KCNK2: variants seen among roughly 807,000 people sequenced by gnomAD.
KCNK2 encodes the protein potassium channel subfamily K member 2.
Under a neutral mutation model 40.5 loss-of-function variants are expected in KCNK2, and 21 were observed. That is an observed-to-expected ratio of 0.52 (90% CI 0.37 to 0.75). The LOEUF (loss-of-function observed/expected upper bound fraction) is 0.75. Among genes scored for constraint, KCNK2 ranks in the 30% least tolerant of loss-of-function variants. The pLI is 0.00. For synonymous variants in KCNK2, 191 were observed against 202.2 expected (o/e 0.94, Z 0.47); for missense variants, 399 against 531.6 (o/e 0.75, Z 2.45).
At chr1:215,170,206 G>A (rs1663644144) in intron 4 of KCNK2, among the ~76,000 whole-genome samples, 1 of 152,182 alleles carries the variant, frequency 6.6e-6, no homozygotes, top group African/African-American at 2.4e-5. Flanking sequence ...CATAATAAAG[G>A]TGATCATATA....
intron 1 of KCNK2, among the ~76,000 whole-genome samples, chr1:215,059,798 G>A (rs751135533): frequency 2.6e-4 from 40 of 152,184 alleles, no homozygotes; most frequent in Non-Finnish European, 4.6e-4. Flanking sequence ...TAGAAGGTCA[G>A]AATCCAGAAA....
chr1:215,099,213 A>G (rs1660107551), intron 2 of KCNK2, among the ~76,000 whole-genome samples: 1 of 151,720 alleles, frequency 6.6e-6, no homozygotes, highest in Admixed American at 6.6e-5. Flanking sequence ...TCCTTTCCAT[A>G]TGACCATGTG....
chr1:215,176,575 G>A (rs1002079258), intron 5 of KCNK2, among the ~76,000 whole-genome samples: 3 of 152,132 alleles, frequency 2.0e-5, no homozygotes, highest in African/African-American at 4.8e-5. Flanking sequence ...ACTTGTAAGT[G>A]AGAATATGTG....
At chr1:215,129,364 T>A (rs547397822) in intron 3 of KCNK2, among the ~76,000 whole-genome samples, 28 of 152,114 alleles carry the variant, frequency 1.8e-4, no homozygotes, top group Non-Finnish European at 3.1e-4. Flanking sequence ...TCAGCAAGAC[T>A]AGAAATATTG....
chr1:215,136,036 C>T (rs1457639490), intron 3 of KCNK2, among the ~76,000 whole-genome samples: 1 of 150,334 alleles, frequency 6.7e-6, no homozygotes, highest in African/African-American at 2.4e-5. Context: ...CCTGGCCTAC[C>T]AACCAGTTAT....
chr1:215,129,366 G>T (rs1300305317), intron 3 of KCNK2, among the ~76,000 whole-genome samples: 1 of 152,010 alleles, frequency 6.6e-6, no homozygotes, highest in Non-Finnish European at 1.5e-5. Context: ...AGCAAGACTA[G>T]AAATATTGGG....
At chr1:215,022,411 C>T (rs1656835537) in intron 1 of KCNK2, among the ~76,000 whole-genome samples, 1 of 152,080 alleles carries the variant, frequency 6.6e-6, no homozygotes, top group Non-Finnish European at 1.5e-5. Flanking sequence ...TGTATCAGAT[C>T]TCTTCAAATC....
chr1:215,110,289 G>A (rs369411444), intron 2 of KCNK2, among the ~76,000 whole-genome samples: 14 of 151,800 alleles, frequency 9.2e-5, no homozygotes, highest in East Asian at 1.9e-4. Context: ...TTTTTGCCTC[G>A]ATCAATGTCT....
At chr1:215,016,525 A>T (rs2601612) in intron 1 of KCNK2, among the ~76,000 whole-genome samples, 85,132 of 152,054 alleles carry the variant, frequency 0.56, 25,520 homozygotes, top group South Asian at 0.78. Context: ...ACTTTAATAA[A>T]TCATGTTGGG....
intron 2 of KCNK2, among the ~76,000 whole-genome samples, chr1:215,111,596 G>A (rs1035265129): frequency 6.6e-6 from 1 of 151,900 alleles, no homozygotes; most frequent in Non-Finnish European, 1.5e-5. Flanking sequence ...CAAAATTTCT[G>A]TTGGGTTCTT....
chr1:215,066,608 C>A (rs909787455), intron 1 of KCNK2, among the ~76,000 whole-genome samples: 2 of 152,152 alleles, frequency 1.3e-5, no homozygotes, highest in African/African-American at 4.8e-5. Flanking sequence ...TTCAAGCCTG[C>A]CTCTCATTTC....
At chr1:215,119,110 ATAT>A (rs1661071627) in intron 2 of KCNK2, among the ~76,000 whole-genome samples, 1 of 152,110 alleles carries the variant, frequency 6.6e-6, no homozygotes, top group Non-Finnish European at 1.5e-5. Flanking sequence ...TAAATTCCCT[ATAT>A]CTTCTTCTTT....
chr1:215,103,831 C>T (rs1482067977), intron 2 of KCNK2, among the ~76,000 whole-genome samples: 3 of 151,994 alleles, frequency 2.0e-5, no homozygotes, highest in East Asian at 1.9e-4. Context: ...GATCCATAGA[C>T]AGCTTGTGTG....
intron 2 of KCNK2, among the ~76,000 whole-genome samples, chr1:215,117,367 C>T (rs973933419): frequency 2.6e-5 from 4 of 152,068 alleles, no homozygotes; most frequent in African/African-American, 9.7e-5. Context: ...GAATAACATT[C>T]TAGGCAATAA....
intron 2 of KCNK2, among the ~76,000 whole-genome samples, chr1:215,094,645 A>C (rs944584588): frequency 6.6e-6 from 1 of 152,130 alleles, no homozygotes; most frequent in Non-Finnish European, 1.5e-5. Context: ...ATCAAGTAGC[A>C]ATTGAGACAT....
At chr1:215,150,617 A>G (rs55790910) in intron 3 of KCNK2, among the ~76,000 whole-genome samples, 1,558 of 152,206 alleles carry the variant, frequency 0.01, 26 homozygotes, top group South Asian at 0.078. Flanking sequence ...ATTTCCCTTA[A>G]TATCATGAAT....
intron 1 of KCNK2, among the ~76,000 whole-genome samples, chr1:215,075,096 A>T (rs1170260882): frequency 6.6e-6 from 1 of 152,196 alleles, no homozygotes; most frequent in African/African-American, 2.4e-5. Flanking sequence ...TATGCAAAAC[A>T]TGGGTGTTTT....
intron 1 of KCNK2, among the ~76,000 whole-genome samples, chr1:215,050,945 T>G (rs577875288): frequency 2.0e-5 from 3 of 152,188 alleles, no homozygotes; most frequent in Non-Finnish European, 2.9e-5. Context: ...AGGGGCTTAT[T>G]ATTGGATTTG....
intron 6 of KCNK2, among the ~76,000 whole-genome samples, chr1:215,218,900 T>A (rs1666060545): frequency 6.6e-6 from 1 of 152,196 alleles, no homozygotes; most frequent in Non-Finnish European, 1.5e-5. Context: ...AAATGATGAG[T>A]ATGAAATAGT....
Sources: allele counts gnomAD v4.1 joint callset (sites outside exome capture counted in the v4.1 genomes callset), GRCh38; gene constraint gnomAD v4.1.1; transcripts MANE v1.5; gene names NCBI Gene and HGNC (gene_info 2026-07-23, HGNC 2026-07-21).